Variants in OPCML observed in about 807,000 individuals in gnomAD.
The protein encoded by OPCML is opioid binding protein/cell adhesion molecule like.
OPCML carries 13 observed loss-of-function variants against 37.8 expected under a neutral mutation model. The observed-to-expected ratio is 0.34, with a 90% confidence interval of 0.22 to 0.55. The LOEUF is 0.55. OPCML is among the 20% of genes least tolerant of loss of function. The pLI is 0.91. For synonymous variants in OPCML, 176 were observed against 168.8 expected, an observed-to-expected ratio of 1.04 and a Z score of -0.33; for missense variants, 341 against 435.6, an observed-to-expected ratio of 0.78 and a Z score of 1.93.
At chr11:132,562,848 A>T (rs980256070) in intron 3 of OPCML, among the ~76,000 whole-genome samples, 1 of 152,204 alleles carries the variant, frequency 6.6e-6, no homozygotes, top group African/African-American at 2.4e-5. Flanking sequence ...ATTAAAATAA[A>T]AAGCAGGCAA....
intron 1 of OPCML, among the ~76,000 whole-genome samples, chr11:132,973,800 C>T (rs1255829272): frequency 1.3e-5 from 2 of 152,250 alleles, no homozygotes; most frequent in Non-Finnish European, 2.9e-5. Context: ...AGTCCCCACT[C>T]ATCTCCCCTT....
rs1371994618 is a variant in OPCML, at chr11:132,903,214, A to G, written c.146+39712T>C. Reference sequence around the variant, plus strand: ...TCTGTCTATAATCAGTCATTTCCACAAAGCTACAAAGAGGGCAGAAGGGAA... The same window carrying G: ...TCTGTCTATAATCAGTCATTTCCACGAAGCTACAAAGAGGGCAGAAGGGAA... On this transcript the variant is annotated intron_variant, in intron 2 of 7. Transcript: ENST00000524381. Among the ~76,000 whole-genome samples the G allele has an allele frequency of 2.6e-5, 4 of 152,160 alleles. No individual in the cohort carries two copies. In the East Asian group the frequency reaches 5.8e-4, roughly 22 times the overall value.
intron 1 of OPCML, among the ~76,000 whole-genome samples, chr11:133,469,378 A>G (rs1484535080): frequency 6.6e-6 from 1 of 152,192 alleles, no homozygotes; most frequent in East Asian, 1.9e-4. Context: ...CCCTAGGAGC[A>G]GTAGGCTCCA....
intron 4 of OPCML, among the ~76,000 whole-genome samples, chr11:132,507,163 T>C (rs903506498): frequency 6.6e-6 from 1 of 151,612 alleles, no homozygotes; most frequent in Admixed American, 6.6e-5. Context: ...AAAGCTCTAA[T>C]TACTTTTGAA....
At chr11:132,449,245 T>G (rs952727184) in intron 4 of OPCML, among the ~76,000 whole-genome samples, 4 of 152,212 alleles carry the variant, frequency 2.6e-5, no homozygotes, top group Non-Finnish European at 5.9e-5. Flanking sequence ...TGAAGGACTA[T>G]GTGTGTCTGA....
At chr11:133,010,716 T>C (rs1196904500) in intron 1 of OPCML, among the ~76,000 whole-genome samples, 1 of 152,162 alleles carries the variant, frequency 6.6e-6, no homozygotes, top group African/African-American at 2.4e-5. Flanking sequence ...CCAAGTGAAA[T>C]AGTAAATAAA....
intron 2 of OPCML, among the ~76,000 whole-genome samples, chr11:132,707,902 T>C (rs1944101288): frequency 6.6e-6 from 1 of 152,170 alleles, no homozygotes; most frequent in Non-Finnish European, 1.5e-5. Flanking sequence ...TGAAAACAGT[T>C]CATTTGGGTC....
intron 1 of OPCML, among the ~76,000 whole-genome samples, chr11:133,178,826 A>G (rs142396774): frequency 0.016 from 2,402 of 152,350 alleles, 27 homozygotes; most frequent in Non-Finnish European, 0.027. Context: ...TCAAATTCCA[A>G]AATGAGAAGA....
intron 1 of OPCML, among the ~76,000 whole-genome samples, chr11:133,053,555 C>T (rs937404486): frequency 1.3e-5 from 2 of 152,156 alleles, no homozygotes; most frequent in Non-Finnish European, 2.9e-5. Flanking sequence ...CTAGGAATTC[C>T]CCCATGCAAA....
At chr11:133,364,112 G>A (rs991714650) in intron 1 of OPCML, among the ~76,000 whole-genome samples, 5 of 152,114 alleles carry the variant, frequency 3.3e-5, no homozygotes, top group Admixed American at 6.5e-5. Context: ...TGTTGTTATC[G>A]ATTTCCCTCA....
At position 133,394,257 on chromosome 11, in the gene OPCML, T is replaced by C. The variant is rs540267693; in HGVS notation, c.61+138007A>G. Among the ~76,000 whole-genome samples, 7 of 152,334 alleles carry C rather than the reference T, an allele frequency of 4.6e-5. No homozygotes were observed. The South Asian group carries it at 1.5e-3, about 32-fold the overall frequency. On this transcript the variant is annotated intron_variant, in intron 1 of 7. Coordinates refer to ENST00000524381, the MANE Select transcript of OPCML (RefSeq NM_001012393.5). Reference sequence around the variant, plus strand: ...TCTCCCACATCAGCGTCTCTCATTCTTTTTTTAATTTTTAATTTTTAACTT... The same window carrying C: ...TCTCCCACATCAGCGTCTCTCATTCCTTTTTTAATTTTTAATTTTTAACTT...
chr11:133,102,070 T>G (rs1187086872), intron 1 of OPCML, among the ~76,000 whole-genome samples: 1 of 152,216 alleles, frequency 6.6e-6, no homozygotes, highest in East Asian at 1.9e-4. Flanking sequence ...GAGGAAGTGA[T>G]GAATAGGTAG....
chr11:132,730,304 T>G (rs955213095), intron 2 of OPCML, among the ~76,000 whole-genome samples: 2 of 152,122 alleles, frequency 1.3e-5, no homozygotes, highest in Non-Finnish European at 2.9e-5. Context: ...ATACTAGACA[T>G]TCTTTAAGAC....
At chr11:133,176,866 C>T (rs574027802) in intron 1 of OPCML, among the ~76,000 whole-genome samples, 10 of 152,346 alleles carry the variant, frequency 6.6e-5, no homozygotes, top group South Asian at 2.1e-4. Flanking sequence ...AAAAATAAAT[C>T]GCCTGCAAGA....
chr11:132,498,470 CA>C (rs1395424357), intron 4 of OPCML, among the ~76,000 whole-genome samples: 7 of 152,210 alleles, frequency 4.6e-5, no homozygotes, highest in Admixed American at 4.6e-4. Flanking sequence ...GCTACAGGTT[CA>C]GTATTATATC....
At chr11:133,099,416 C>T (rs1366877767) in intron 1 of OPCML, among the ~76,000 whole-genome samples, 12 of 151,246 alleles carry the variant, frequency 7.9e-5, no homozygotes, top group African/African-American at 2.7e-4. Flanking sequence ...GTGCTCACCA[C>T]CACACCTGGC....
chr11:133,462,125 C>G (rs991804415), intron 1 of OPCML, among the ~76,000 whole-genome samples: 5 of 151,848 alleles, frequency 3.3e-5, no homozygotes, highest in Non-Finnish European at 2.9e-5. Flanking sequence ...CAAAAATGAA[C>G]TCTCCCAGAT....
intron 4 of OPCML, among the ~76,000 whole-genome samples, chr11:132,445,913 G>A (rs1473777293): frequency 6.6e-6 from 1 of 152,114 alleles, no homozygotes; most frequent in Non-Finnish European, 1.5e-5. Flanking sequence ...ATACCATCAT[G>A]ATGTCAACAG....
intron 2 of OPCML, among the ~76,000 whole-genome samples, chr11:132,909,185 G>A (rs1944343278): frequency 6.6e-6 from 1 of 152,146 alleles, no homozygotes; most frequent in Non-Finnish European, 1.5e-5. Context: ...GTCTATCTGA[G>A]TGGGACATTT....
Sources: allele counts gnomAD v4.1 joint callset (sites outside exome capture counted in the v4.1 genomes callset), GRCh38; gene constraint gnomAD v4.1.1; transcripts MANE v1.5; gene names NCBI Gene and HGNC (gene_info 2026-07-23, HGNC 2026-07-21).